Variants in DLGAP1 observed in about 807,000 individuals in gnomAD.
DLGAP1 encodes disks large-associated protein 1.
In DLGAP1, 11 loss-of-function variants were observed where a neutral mutation model predicts 90.8. The ratio of observed to expected loss-of-function variants is 0.12; its 90% confidence interval spans 0.08 to 0.20. The LOEUF (loss-of-function observed/expected upper bound fraction) is 0.20, where lower values mean the gene tolerates loss of function less well. DLGAP1 is among the 10% of genes least tolerant of loss of function. The pLI is 1.00. For missense variants in DLGAP1, 1,050 were observed against 1,333.8 expected, an observed-to-expected ratio of 0.79 and a Z score of 3.31; for synonymous variants, 558 against 540.7, an observed-to-expected ratio of 1.03 and a Z score of -0.44.
intron 4 of DLGAP1, among the ~76,000 whole-genome samples, chr18:3,845,767 C>A (rs1448968734): frequency 6.6e-6 from 1 of 152,104 alleles, no homozygotes; most frequent in Non-Finnish European, 1.5e-5. Context: ...AAGACAGATG[C>A]CTTTTACAAT....
At chr18:4,382,601 G>A (rs1834587210) in intron 1 of DLGAP1, among the ~76,000 whole-genome samples, 1 of 149,992 alleles carries the variant, frequency 6.7e-6, no homozygotes, top group Admixed American at 6.7e-5. Flanking sequence ...CAGTTACTTT[G>A]CAATTAAAAA....
intron 3 of DLGAP1, among the ~76,000 whole-genome samples, chr18:3,962,123 A>G (rs1646204713): frequency 6.6e-6 from 1 of 152,210 alleles, no homozygotes; most frequent in Non-Finnish European, 1.5e-5. Flanking sequence ...AAAAATATAT[A>G]TGATGCACAA....
At chr18:4,311,726 T>C (rs992317350) in intron 1 of DLGAP1, among the ~76,000 whole-genome samples, 1 of 152,118 alleles carries the variant, frequency 6.6e-6, no homozygotes, top group African/African-American at 2.4e-5. Flanking sequence ...AATATATATA[T>C]GTATTTTGAG....
chr18:4,227,179 C>G (rs1303041594), intron 1 of DLGAP1, among the ~76,000 whole-genome samples: 1 of 151,870 alleles, frequency 6.6e-6, no homozygotes, highest in South Asian at 2.1e-4. Context: ...TATATATGCA[C>G]CCAACATTAG....
rs1491443949 is a variant in DLGAP1 at position 3,772,160 on chromosome 18, CTT to C, written c.1173-29650_1173-29649del. Among the ~76,000 whole-genome samples the C allele has an allele frequency of 1.4e-3, 172 of 123,850 alleles. 1 individual carries two copies. The highest frequency in any genetic ancestry group is 5.6e-3 in the African/African-American group (158 of 28,350). The allele number at this position is 123,850 out of a possible 152,430, so 81.3% of individuals were successfully genotyped here. A position where few individuals can be genotyped will look rare whatever the true frequency, so the allele number is the denominator to read the frequency against. On this transcript the variant is annotated intron_variant, in intron 5 of 12. Transcript: ENST00000315677. ...TTTCTCTCCTTCCTTCCTTCCCTTT[CTT>C]TCTCTCCTTCCTTTCTCTCCTTCCT...
intron 1 of DLGAP1, among the ~76,000 whole-genome samples, chr18:4,382,038 A>AT (rs1166693939): frequency 6.6e-6 from 1 of 152,182 alleles, no homozygotes; most frequent in Non-Finnish European, 1.5e-5. Context: ...TAGCACGGGA[A>AT]AGACTTGCCC....
At chr18:3,919,102 C>A (rs2072211412) in intron 3 of DLGAP1, among the ~76,000 whole-genome samples, 1 of 152,176 alleles carries the variant, frequency 6.6e-6, no homozygotes, top group Non-Finnish European at 1.5e-5. Context: ...GTAAGTTGAT[C>A]AACAAGAAAG....
In DLGAP1 at chr18:3,835,549, T is replaced by C. The variant is rs138775759; in HGVS notation, c.958-21276A>G. 4.9e-3 allele frequency among the ~76,000 whole-genome samples: 736 copies of C among 150,230 alleles called. 9 individuals carry two copies. The highest frequency in any genetic ancestry group is 0.032 in the South Asian group (152 of 4,774). ...CTGTAGTTCCAGCTACTTGGGAGGC[T>C]GAGGCAGGAGAATCGCTTGAATCTG... is the stretch of plus-strand genomic sequence containing the variant. On this transcript the variant is annotated intron_variant, in intron 4 of 12. Transcript: ENST00000315677.
intron 7 of DLGAP1, among the ~76,000 whole-genome samples, chr18:3,590,205 T>C (rs1464101240): frequency 6.6e-6 from 1 of 152,208 alleles, no homozygotes; most frequent in Non-Finnish European, 1.5e-5. Flanking sequence ...TCACTGTGCC[T>C]GGCCAAAAGG....
intron 1 of DLGAP1, among the ~76,000 whole-genome samples, chr18:4,277,896 C>T (rs574411137): frequency 1.3e-5 from 2 of 152,220 alleles, no homozygotes; most frequent in Admixed American, 6.5e-5. Flanking sequence ...ATGTCTGCTC[C>T]ACTCTAAAAG....
In DLGAP1 at chr18:3,600,847, G is replaced by GAT. The variant is rs373444350; in HGVS notation, c.1592-18601_1592-18600dup. Among the ~76,000 whole-genome samples the GAT allele has an allele frequency of 7.3e-4, 20 of 27,314 alleles. 1 individual carries two copies. The highest frequency in any genetic ancestry group is 2.4e-3 in the African/African-American group (16 of 6,786). 17.9% of individuals were successfully genotyped at this position (27,314 alleles called of 152,430 possible). ...ATATAGATATATATAGATATATATA[G>GAT]ATATATAGATATATATAGATATATA... On this transcript the variant is annotated intron_variant, in intron 7 of 12. Coordinates refer to ENST00000315677, the MANE Select transcript of DLGAP1 (RefSeq NM_004746.4).
At chr18:4,414,983 CA>C (rs1208198116) in intron 1 of DLGAP1, among the ~76,000 whole-genome samples, 1 of 151,692 alleles carries the variant, frequency 6.6e-6, no homozygotes, top group African/African-American at 2.4e-5. Flanking sequence ...TGATATTATA[CA>C]AAACAACATT....
In DLGAP1 at chr18:3,910,273, C is replaced by T. The variant is rs144942872; in HGVS notation, c.-72-30133G>A. 8.6e-4 allele frequency among the ~76,000 whole-genome samples: 130 copies of T among 151,882 alleles called. 2 individuals carry two copies. Among genetic ancestry groups the T allele is most frequent in the Admixed American group, 8.2e-3 (125 of 15,238 alleles). ...TTTTATCTTACTAAACTGAGGATAG[C>T]TGTCTCCCTACATCTCCATTTTCCA... On this transcript the variant is annotated intron_variant, in intron 3 of 12. Transcript: ENST00000315677.
intron 5 of DLGAP1, among the ~76,000 whole-genome samples, chr18:3,766,235 A>T (rs1267993260): frequency 1.3e-5 from 2 of 152,180 alleles, no homozygotes; most frequent in African/African-American, 4.8e-5. Flanking sequence ...AGAGATAGGG[A>T]AGTACATTAT....
At chr18:4,279,488 AAAT>A (rs2079499069) in intron 1 of DLGAP1, among the ~76,000 whole-genome samples, 2 of 152,204 alleles carry the variant, frequency 1.3e-5, no homozygotes, top group Non-Finnish European at 2.9e-5. Flanking sequence ...GGGCTTTAAA[AAAT>A]AAACCGTTGA....
intron 3 of DLGAP1, among the ~76,000 whole-genome samples, chr18:3,980,837 A>C (rs1370959192): frequency 6.6e-6 from 1 of 152,206 alleles, no homozygotes; most frequent in Non-Finnish European, 1.5e-5. Flanking sequence ...TACATATATC[A>C]AGCTAATTAA....
At chr18:4,345,127 A>G (rs1488614757) in intron 1 of DLGAP1, among the ~76,000 whole-genome samples, 2 of 152,134 alleles carry the variant, frequency 1.3e-5, no homozygotes, top group African/African-American at 2.4e-5. Context: ...TCATGGCCCA[A>G]GCGCCAATTT....
At chr18:3,911,952 C>T (rs1206440657) in intron 3 of DLGAP1, among the ~76,000 whole-genome samples, 1 of 152,208 alleles carries the variant, frequency 6.6e-6, no homozygotes, top group African/African-American at 2.4e-5. Context: ...GCAGCAGCAT[C>T]ACTTGGGAGC....
Position 4,342,901 on chromosome 18 carries a change from A to T in DLGAP1, c.-267+112105T>A. ...AATAGCTTTGCATAAACAATATCAG[A>T]TCTGAATATGAGAGATGAAGCCAAA... On this transcript the variant is annotated intron_variant, in intron 1 of 12. Transcript: ENST00000315677. The surrounding 1 kb of genome is among the most constrained non-coding windows in gnomAD (Gnocchi z 5.8). Among the ~76,000 whole-genome samples, 1 of 152,218 alleles carries T rather than the reference A, an allele frequency of 6.6e-6. No individual in the cohort carries two copies.
Sources: gnomAD v4.1 joint callset for allele counts (sites outside exome capture counted in the v4.1 genomes callset) on GRCh38, gnomAD v4.1.1 for gene constraint, Gnocchi (gnomAD v3.1) non-coding constraint, MANE v1.5 for transcripts, NCBI Gene and HGNC (gene_info 2026-07-23, HGNC 2026-07-21) for gene names.